The following MAN1A1 variants were observed in gnomAD, a reference collection of about 807,000 sequenced individuals.
MAN1A1 encodes the protein mannosyl-oligosaccharide 1,2-alpha-mannosidase IA.
Under a neutral mutation model 70.8 loss-of-function variants are expected in MAN1A1, and 29 were observed. That is an observed-to-expected ratio of 0.41 (90% CI 0.31 to 0.56). MAN1A1 has a LOEUF of 0.56. MAN1A1 is among the 20% of genes least tolerant of loss of function. MAN1A1 has a pLI of 0.29. For missense variants in MAN1A1, 747 were observed against 841.3 expected (o/e 0.89, Z 1.39); for synonymous variants, 349 against 330.1 (o/e 1.06, Z -0.62).
rs949433275 is a variant in MAN1A1 at position 119,177,649 on chromosome 6, A to T, written c.*2170T>A. The T allele has an allele frequency of 4.6e-5, 7 of 152,036 alleles. No homozygotes were observed. Among genetic ancestry groups the T allele is most frequent in the Admixed American group, 2.0e-4 (3 of 15,270 alleles). 9.4% of individuals were successfully genotyped at this position (152,036 alleles called of 1,614,324 possible). A position where few individuals can be genotyped will look rare whatever the true frequency, so the allele number is the denominator to read the frequency against. ...TACATCACTACAATATTAATCTCTT[A>T]TCTTGTTTACATTTTTGGTGTTTTG... is the stretch of plus-strand genomic sequence containing the variant. On this transcript the variant is annotated 3_prime_UTR_variant, in exon 13 of 13. Coordinates refer to ENST00000368468, the MANE Select transcript of MAN1A1 (RefSeq NM_005907.4).
Position 119,348,814 on chromosome 6 carries a change from G to T in MAN1A1, c.252C>A (p.Ala84=), listed in dbSNP as rs1005543243. 7 of 1,453,394 alleles carry T rather than the reference G, an allele frequency of 4.8e-6. No individual in the cohort carries two copies. The African/African-American group carries it at 7.3e-5, about 15-fold the overall frequency. The allele number at this position is 1,453,394 out of a possible 1,614,324, so 90.0% of individuals were successfully genotyped here. A position where few individuals can be genotyped will look rare whatever the true frequency, so the allele number is the denominator to read the frequency against. The change falls in exon 2 of 13, where the codon GCC becomes GCA. Residue 84 remains alanine, a synonymous_variant. Coordinates refer to ENST00000368468, the MANE Select transcript of MAN1A1 (RefSeq NM_005907.4). ...GCGCCCCGGGCCCGGGCTTGTGGTC[G>T]GCGGCCGGCTGCAAGGCGGGGCTGG... is the stretch of plus-strand genomic sequence containing the variant. The part of the protein sequence containing the change: ...FHSSPALQPA[A]DHKPGPGARA...
chr6:119,203,197 C>T (rs777588875), intron 7 of MAN1A1, among the ~76,000 whole-genome samples: 4 of 152,090 alleles, frequency 2.6e-5, no homozygotes, highest in Admixed American at 6.6e-5. Context: ...TATGGTAACC[C>T]GAGCTGATTG....
chr6:119,235,244 T>C (rs958496360), intron 6 of MAN1A1, among the ~76,000 whole-genome samples: 1 of 152,168 alleles, frequency 6.6e-6, no homozygotes, highest in Non-Finnish European at 1.5e-5. Context: ...ATGATTAAGT[T>C]TAGTGAGGAA....
intron 6 of MAN1A1, among the ~76,000 whole-genome samples, chr6:119,228,261 G>T (rs1774574950): frequency 6.6e-6 from 1 of 152,130 alleles, no homozygotes; most frequent in African/African-American, 2.4e-5. Context: ...TAAGAGCAAA[G>T]AATGTGATTA....
intron 9 of MAN1A1, among the ~76,000 whole-genome samples, chr6:119,192,832 G>A (rs748888310): frequency 6.6e-6 from 1 of 152,066 alleles, no homozygotes; most frequent in Non-Finnish European, 1.5e-5. Context: ...TTTAGATAAA[G>A]TAATTTTCTT....
chr6:119,322,165 A>T (rs1258229918), intron 2 of MAN1A1, among the ~76,000 whole-genome samples: 1 of 152,166 alleles, frequency 6.6e-6, no homozygotes, highest in Non-Finnish European at 1.5e-5. Flanking sequence ...TTCCTTCCAC[A>T]ATCATCTTGA....
chr6:119,263,946 T>C (rs574680256), intron 5 of MAN1A1, among the ~76,000 whole-genome samples: 1 of 152,216 alleles, frequency 6.6e-6, no homozygotes, highest in African/African-American at 2.4e-5. Context: ...TGATCTCCTA[T>C]AGAAGAAATG....
At chr6:119,241,792 A>C (rs1476583956) in intron 6 of MAN1A1, among the ~76,000 whole-genome samples, 1 of 152,132 alleles carries the variant, frequency 6.6e-6, no homozygotes, top group African/African-American at 2.4e-5. Context: ...TCTTGACCCT[A>C]GCTGAATATT....
chr6:119,296,754 T>G (rs922367744), intron 4 of MAN1A1, among the ~76,000 whole-genome samples: 1 of 152,112 alleles, frequency 6.6e-6, no homozygotes, highest in Non-Finnish European at 1.5e-5. Flanking sequence ...GAACTTCTGT[T>G]CTCCAAAACA....
chr6:119,245,003 T>C (rs1346268571), intron 6 of MAN1A1, among the ~76,000 whole-genome samples: 4 of 152,166 alleles, frequency 2.6e-5, no homozygotes, highest in Non-Finnish European at 5.9e-5. Flanking sequence ...ATAACCAGAA[T>C]ACCAGAGGAA....
chr6:119,207,098 G>A (rs1219182707), intron 6 of MAN1A1, among the ~76,000 whole-genome samples: 1 of 152,148 alleles, frequency 6.6e-6, no homozygotes, highest in Non-Finnish European at 1.5e-5. Flanking sequence ...GTGGTGAATC[G>A]AGAAAAATCC....
intron 6 of MAN1A1, among the ~76,000 whole-genome samples, chr6:119,222,905 C>G (rs894289001): frequency 5.9e-5 from 9 of 152,082 alleles, no homozygotes; most frequent in African/African-American, 2.2e-4. Context: ...CCATTTGGTA[C>G]TCCCATTTTG....
chr6:119,281,417 A>G (rs7740521), intron 5 of MAN1A1, among the ~76,000 whole-genome samples: 10,072 of 152,250 alleles, frequency 0.066, 500 homozygotes, highest in African/African-American at 0.14. Context: ...TAGTGGCCCT[A>G]TGACTTGCTC....
At chr6:119,190,380 G>T (rs188330074) in intron 9 of MAN1A1, among the ~76,000 whole-genome samples, 1 of 152,132 alleles carries the variant, frequency 6.6e-6, no homozygotes, top group African/African-American at 2.4e-5. Flanking sequence ...GGTGTTCTGG[G>T]GCCAGAAGAC....
At chr6:119,252,120 T>C (rs897779860) in intron 5 of MAN1A1, among the ~76,000 whole-genome samples, 1 of 152,226 alleles carries the variant, frequency 6.6e-6, no homozygotes, top group African/African-American at 2.4e-5. Context: ...AACGAGGGCA[T>C]GGAAGCAGCT....
At chr6:119,303,829 G>C (rs963796828) in intron 3 of MAN1A1, among the ~76,000 whole-genome samples, 3 of 152,114 alleles carry the variant, frequency 2.0e-5, no homozygotes, top group African/African-American at 4.8e-5. Context: ...ATGCCTCCCA[G>C]TCCAAGTCCC....
intron 6 of MAN1A1, among the ~76,000 whole-genome samples, chr6:119,218,204 G>A (rs1198967297): frequency 1.3e-5 from 2 of 151,610 alleles, no homozygotes; most frequent in Admixed American, 1.3e-4. Context: ...TCATGTTTTG[G>A]GTTATACTAA....
chr6:119,348,363 C>A, intron 2 of MAN1A1, 100 bp downstream of exon 2: 1 of 1,200,560 alleles, frequency 8.3e-7, no homozygotes, highest in Non-Finnish European at 1.2e-6. Flanking sequence ...TCCATCTCCC[C>A]ATACATTGCA....
intron 5 of MAN1A1, among the ~76,000 whole-genome samples, chr6:119,265,102 ATT>A (rs5879494): frequency 9.6e-4 from 136 of 141,508 alleles, no homozygotes; most frequent in Non-Finnish European, 9.8e-4. Flanking sequence ...CCTTTTTTAA[ATT>A]TTTTTTTTTT....
Sources: allele counts gnomAD v4.1 joint callset (sites outside exome capture counted in the v4.1 genomes callset), GRCh38; gene constraint gnomAD v4.1.1; transcripts MANE v1.5; gene names NCBI Gene and HGNC (gene_info 2026-07-23, HGNC 2026-07-21).